The following UNC13C variants were observed in gnomAD, a reference collection of about 807,000 sequenced individuals.
UNC13C encodes protein unc-13 homolog C.
A neutral mutation model predicts 245.4 loss-of-function variants in UNC13C; 174 were observed. The ratio of observed to expected loss-of-function variants is 0.71; its 90% CI spans 0.63 to 0.80. The LOEUF (loss-of-function observed/expected upper bound fraction) is 0.80. Ranked by LOEUF, UNC13C falls within the 30% of genes least tolerant of loss-of-function variation. The pLI is 0.00. For synonymous variants in UNC13C, 992 were observed against 895.1 expected, an observed-to-expected ratio of 1.11 and a Z score of -1.93; for missense variants, 2,829 against 2,602.9, an observed-to-expected ratio of 1.09 and a Z score of -1.89.
At chr15:54,600,561 C>T (rs935112445) in intron 30 of UNC13C, among the ~76,000 whole-genome samples, 22 of 152,044 alleles carry the variant, frequency 1.4e-4, no homozygotes, top group African/African-American at 4.6e-4. Context: ...TTGCTAAATG[C>T]ACAATAATTG....
At chr15:54,136,557 C>T (rs78697687) in intron 2 of UNC13C, among the ~76,000 whole-genome samples, 2,845 of 151,964 alleles carry the variant, frequency 0.019, 68 homozygotes, top group East Asian at 0.093. Flanking sequence ...TGCCTTATTT[C>T]TCCAGTGAGA....
chr15:54,606,413 A>C (rs1022049939), intron 30 of UNC13C, among the ~76,000 whole-genome samples: 1 of 152,238 alleles, frequency 6.6e-6, no homozygotes, highest in Non-Finnish European at 1.5e-5. Flanking sequence ...TTCAAAGGTC[A>C]TGATGATCCT....
At chr15:54,044,681 A>T (rs111535546) in intron 2 of UNC13C, among the ~76,000 whole-genome samples, 31 of 152,178 alleles carry the variant, frequency 2.0e-4, no homozygotes, top group African/African-American at 7.2e-4. Context: ...ATATTTTTTA[A>T]AATAAATTTT....
the UNC13C span, among the ~76,000 whole-genome samples, chr15:53,908,745 C>A: frequency 1.8e-5 from 1 of 56,588 alleles, no homozygotes; most frequent in Non-Finnish European, 3.1e-5. Flanking sequence ...GAATGAGAAC[C>A]TTTCTCCAAA....
chr15:53,854,071 C>T, the UNC13C span, among the ~76,000 whole-genome samples: 1,241 of 150,838 alleles, frequency 8.2e-3, 17 homozygotes, highest in African/African-American at 0.029. Context: ...TCTTTGCCTG[C>T]GCCTATTTCC....
intron 4 of UNC13C, among the ~76,000 whole-genome samples, chr15:54,214,633 A>C (rs1452949879): frequency 1.3e-5 from 2 of 151,986 alleles, no homozygotes; most frequent in African/African-American, 4.8e-5. Flanking sequence ...TAAAAGGAAT[A>C]AAGCGTTTCA....
At chr15:53,916,582 C>T in the UNC13C span, among the ~76,000 whole-genome samples, 7 of 152,128 alleles carry the variant, frequency 4.6e-5, no homozygotes, top group African/African-American at 1.2e-4. Flanking sequence ...CTGCTTGCAT[C>T]GTCGAGCACC....
intron 27 of UNC13C, among the ~76,000 whole-genome samples, chr15:54,548,558 T>C (rs962030264): frequency 6.6e-6 from 1 of 152,152 alleles, no homozygotes; most frequent in Non-Finnish European, 1.5e-5. Flanking sequence ...GTAGCAATTA[T>C]GGTTTTGATT....
intron 1 of UNC13C, among the ~76,000 whole-genome samples, chr15:54,007,147 G>C (rs968436261): frequency 6.6e-6 from 1 of 152,186 alleles, no homozygotes; most frequent in South Asian, 2.1e-4. Flanking sequence ...TACTGATGAG[G>C]TGCTGTTGTA....
chr15:54,629,456 G>C (rs1340661438), downstream of UNC13C: 2 of 152,094 alleles, frequency 1.3e-5, no homozygotes, highest in African/African-American at 4.8e-5. Context: ...AAAAAGTTCA[G>C]ATGTTAAAAT....
intron 1 of UNC13C, among the ~76,000 whole-genome samples, chr15:54,005,379 G>C (rs753604336): frequency 1.3e-5 from 2 of 152,138 alleles, no homozygotes; most frequent in Admixed American, 6.5e-5. Context: ...AACCGGTCAC[G>C]TTGGTTGCAA....
chr15:54,585,010 A>C (rs879061132), intron 30 of UNC13C, among the ~76,000 whole-genome samples: 9 of 152,306 alleles, frequency 5.9e-5, no homozygotes, highest in Admixed American at 2.0e-4. Context: ...TATACTTTTG[A>C]TTCCCCATCA....
At chr15:54,395,947 TA>T (rs1166931952) in intron 18 of UNC13C, among the ~76,000 whole-genome samples, 15 of 151,740 alleles carry the variant, frequency 9.9e-5, no homozygotes, top group African/African-American at 3.4e-4. Flanking sequence ...ATTTGAGTAA[TA>T]TTTTCTCAAT....
At chr15:54,241,964 T>C (rs183925406) in intron 7 of UNC13C, among the ~76,000 whole-genome samples, 86 of 152,296 alleles carry the variant, frequency 5.6e-4, no homozygotes, top group Middle Eastern at 3.4e-3. Context: ...GACTTTGACT[T>C]GAGATCCATG....
At chr15:54,086,233 C>G (rs1346334875) in intron 2 of UNC13C, among the ~76,000 whole-genome samples, 1 of 152,186 alleles carries the variant, frequency 6.6e-6, no homozygotes, top group Admixed American at 6.5e-5. Context: ...TTCTCAGCCT[C>G]TAATGCACAC....
the UNC13C span, among the ~76,000 whole-genome samples, chr15:53,926,701 C>T: frequency 4.6e-5 from 7 of 151,286 alleles, no homozygotes; most frequent in Admixed American, 4.6e-4. Context: ...ATGACAGCAC[C>T]ACAAAGGAAG....
intron 2 of UNC13C, among the ~76,000 whole-genome samples, chr15:54,028,161 A>G (rs982316622): frequency 2.0e-5 from 3 of 152,186 alleles, no homozygotes; most frequent in Admixed American, 6.5e-5. Context: ...CTTGACTCCT[A>G]TATCTCAAGC....
chr15:54,231,495 T>G (rs2035551528), intron 4 of UNC13C, among the ~76,000 whole-genome samples: 1 of 109,456 alleles, frequency 9.1e-6, no homozygotes. Context: ...TTTTGAAGGA[T>G]TCTGTCTTCA....
At chr15:54,193,664 A>G (rs977972109) in intron 4 of UNC13C, among the ~76,000 whole-genome samples, 1 of 152,100 alleles carries the variant, frequency 6.6e-6, no homozygotes, top group African/African-American at 2.4e-5. Context: ...AGGCAACTTA[A>G]TGTTATTGTT....
Sources: gnomAD v4.1 joint callset for allele counts (sites outside exome capture counted in the v4.1 genomes callset) on GRCh38, gnomAD v4.1.1 for gene constraint, MANE v1.5 for transcripts, NCBI Gene and HGNC (gene_info 2026-07-23, HGNC 2026-07-21) for gene names.